The following LY75 variants were observed in gnomAD, a reference collection of about 807,000 sequenced individuals.
The protein encoded by LY75 is C-type lectin domain family 13 member B.
LY75 carries 185 observed loss-of-function variants against 231.7 expected under a neutral mutation model. That is an observed-to-expected ratio of 0.80 (90% CI 0.71 to 0.90). The LOEUF (loss-of-function observed/expected upper bound fraction) is 0.90. Among genes scored for constraint, LY75 ranks in the 40% least tolerant of loss-of-function variants. The pLI is 0.00. For synonymous variants in LY75, 668 were observed against 689.0 expected (o/e 0.97, Z 0.48); for missense variants, 1,947 against 2,050.2 (o/e 0.95, Z 0.97).
At chr2:159,894,791 T>C (rs1050432223) in intron 2 of LY75, among the ~76,000 whole-genome samples, 14 of 152,212 alleles carry the variant, frequency 9.2e-5, no homozygotes, top group African/African-American at 3.4e-4. Flanking sequence ...AGCTTTTACT[T>C]CAATCATTTT....
chr2:159,843,070 G>A (rs1002731758), intron 23 of LY75, among the ~76,000 whole-genome samples: 1 of 151,920 alleles, frequency 6.6e-6, no homozygotes, highest in Non-Finnish European at 1.5e-5. Flanking sequence ...TTTATGTGGA[G>A]CCAAATGTGT....
intron 11 of LY75, 102 bp from the exon 12 acceptor site, chr2:159,875,745 TAA>T (rs901066203): frequency 4.8e-6 from 6 of 1,257,472 alleles, no homozygotes; most frequent in African/African-American, 3.1e-5. Context: ...GGAGAGAGAA[TAA>T]AAAAAAAATG....
chr2:159,848,960 A>G (rs1684299055), intron 23 of LY75, among the ~76,000 whole-genome samples: 1 of 152,176 alleles, frequency 6.6e-6, no homozygotes, highest in South Asian at 2.1e-4. Flanking sequence ...AATTAATATT[A>G]TATCTATATC....
At chr2:159,868,796 G>A (rs757124345) in intron 13 of LY75, among the ~76,000 whole-genome samples, 15 of 152,190 alleles carry the variant, frequency 9.9e-5, no homozygotes, top group Non-Finnish European at 1.9e-4. Context: ...TAGAGCTTAT[G>A]TCAGCATTTT....
rs1685649596 is a variant in LY75 at position 159,888,207 on chromosome 2, A to G, written c.803-1677T>C. ...TGATAAAAAGAGATAAAGATATCTA[A>G]GAGGGGTACGTAGTATAACAAAAAA... On this transcript the variant is annotated intron_variant, in intron 4 of 34. Transcript: ENST00000263636. 1.3e-5 allele frequency among the ~76,000 whole-genome samples: 2 copies of G among 152,188 alleles called. 1 individual carries two copies. Among genetic ancestry groups the G allele is most frequent in the Non-Finnish European group, 2.9e-5 (2 of 68,020 alleles).
Position 159,834,103 on chromosome 2 carries a change from GTTA to G in LY75, c.3779_3781del (p.Ile1260del), listed in dbSNP as rs752333792. On this transcript the variant is annotated inframe_deletion, in exon 27 of 35. Transcript: ENST00000263636. Reference sequence around the variant, plus strand: ...TGTTGTTGCCATATGCCTATTCTTTGTTATTATGAAATTGTAGCAACAGTTCTG... The same window carrying G: ...TGTTGTTGCCATATGCCTATTCTTTGTTATGAAATTGTAGCAACAGTTCTG... The G allele has an allele frequency of 1.4e-5, 22 of 1,613,938 alleles. No individual in the cohort carries two copies. The African/African-American group carries it at 2.9e-4, about 22-fold the overall frequency.
In LY75 at chr2:159,805,105, G is replaced by A. The variant is rs767465055; in HGVS notation, c.5108C>T (p.Ser1703Leu). The change falls in exon 35 of 35, where the codon TCA (serine) becomes TTA (leucine). Residue 1703 changes from serine to leucine, a missense_variant. Coordinates refer to ENST00000263636, the MANE Select transcript of LY75 (RefSeq NM_002349.4). ...ATTCACTCCTTGTGCATATCGAACT[G>A]ATGAGAAACCCGCCAGGTGCAAACG... ...RHRLHLAGFS[S>L]VRYAQGVNED... 5.0e-6 allele frequency: 8 copies of A among 1,614,156 alleles called. No homozygotes were observed. In the South Asian group the frequency reaches 7.7e-5, roughly 16 times the overall value.
chr2:159,848,183 T>C (rs987924544), intron 23 of LY75, among the ~76,000 whole-genome samples: 1 of 151,152 alleles, frequency 6.6e-6, no homozygotes, highest in African/African-American at 2.4e-5. Context: ...TATATATATG[T>C]ATGTATGTAT....
rs948377525 is a variant in LY75, at chr2:159,819,639, T to G, written c.4153+87A>C. On this transcript the variant is annotated intron_variant, in intron 29 of 34. Coordinates refer to ENST00000263636, the MANE Select transcript of LY75 (RefSeq NM_002349.4). The stretch of plus-strand genomic sequence containing the variant: ...ACAGGACTGAATACAGAGGAAGCAT[T>G]TGATTGTATGATTCCCACTGGTGGA... 4.1e-6 allele frequency: 6 copies of G among 1,447,264 alleles called. No homozygotes were observed. The Admixed American group carries it at 1.3e-4, about 32-fold the overall frequency. The allele number at this position is 1,447,264 out of a possible 1,614,324, so 89.7% of individuals were successfully genotyped here.
rs536073106 is a variant in LY75, at chr2:159,854,716, C to T, written c.2420-181G>A. Among the ~76,000 whole-genome samples the T allele has an allele frequency of 6.6e-5, 10 of 152,304 alleles. No homozygotes were observed. The East Asian group carries it at 1.5e-3, about 23-fold the overall frequency. ...AGCCAGTGACTCTGCCACTCCCCTA[C>T]ACTCACAGGGAAGGAAAAAGTCACC... On this transcript the variant is annotated intron_variant, in intron 17 of 34. Transcript: ENST00000263636.
chr2:159,857,868 T>C (rs1437143624), intron 16 of LY75, among the ~76,000 whole-genome samples: 1 of 152,206 alleles, frequency 6.6e-6, no homozygotes, highest in African/African-American at 2.4e-5. Context: ...TATCAAAGGC[T>C]ATACTATCAA....
At chr2:159,889,351 C>A (rs1685684142) in intron 4 of LY75, among the ~76,000 whole-genome samples, 1 of 152,126 alleles carries the variant, frequency 6.6e-6, no homozygotes, top group Non-Finnish European at 1.5e-5. Flanking sequence ...ACCTCAGTCT[C>A]CAGAGCAGCT....
chr2:159,888,497 T>C (rs1445177378), intron 4 of LY75, among the ~76,000 whole-genome samples: 3 of 152,206 alleles, frequency 2.0e-5, no homozygotes, highest in Non-Finnish European at 4.4e-5. Context: ...TTTCCTTATC[T>C]AGTGATAAAA....
chr2:159,836,862 C>A (rs895209987), intron 25 of LY75, among the ~76,000 whole-genome samples: 1 of 152,224 alleles, frequency 6.6e-6, no homozygotes, highest in Non-Finnish European at 1.5e-5. Context: ...GCACTCCCCA[C>A]CTAACCCTGT....
intron 13 of LY75, 85 bp downstream of exon 13, chr2:159,872,366 A>T: frequency 6.6e-7 from 1 of 1,516,686 alleles, no homozygotes; most frequent in Non-Finnish European, 8.8e-7. Flanking sequence ...TTTTTCCAAC[A>T]GAGAGTGAGG....
At chr2:159,828,537 T>C (rs986399461) in intron 28 of LY75, among the ~76,000 whole-genome samples, 1 of 152,160 alleles carries the variant, frequency 6.6e-6, no homozygotes, top group Non-Finnish European at 1.5e-5. Context: ...TACTCTCATA[T>C]ACCGGGAATG....
rs1165526551 is a variant in LY75, at chr2:159,864,914, C to A, written c.2124G>T (p.Gln708His). The change falls in exon 14 of 35, where the codon CAG (glutamine) becomes CAT (histidine). Residue 708 changes from glutamine (Q) to histidine (H), a missense_variant. Gln to His is a conservative substitution (Grantham distance 24). Coordinates refer to ENST00000263636, the MANE Select transcript of LY75 (RefSeq NM_002349.4). Reference sequence around the variant, plus strand: ...TATTCAAACCAATCCACAGCCAATGCTGGCCACTATGTAAAAAGCAAGTGT... The same window carrying A: ...TATTCAAACCAATCCACAGCCAATGATGGCCACTATGTAAAAAGCAAGTGT... ...LHFLTDQFSG[Q>H]HWLWIGLNKR... The A allele has an allele frequency of 6.3e-7, 1 of 1,598,812 alleles. No homozygotes were observed. The highest frequency in any genetic ancestry group is 8.5e-7 in the Non-Finnish European group (1 of 1,173,676).
chr2:159,886,456 C>G lies in LY75; in HGVS notation c.877G>C (p.Asp293His), dbSNP rs1685588322. ...TTGAGAAAGTTTAATGGTTTGTGGT[C>G]TGACCATTCCCAGCCTCTAGCAGAG... The part of the protein sequence containing the change: ...LYSARGWEWS[D>H]HKPLNFLNWD... Residue 293 changes from aspartate (D) to histidine (H), a missense_variant, in exon 5 of 35, where the codon GAC becomes CAC. By Grantham distance (81) the Asp-to-His change is moderately conservative (BLOSUM62 -1). Transcript: ENST00000263636. 2.5e-6 allele frequency: 4 copies of G among 1,610,848 alleles called. No homozygotes were observed. The highest frequency in any genetic ancestry group is 2.2e-5 in the East Asian group (1 of 44,788).
At chr2:159,848,166 G>GTA (rs36065614) in intron 23 of LY75, among the ~76,000 whole-genome samples, 36,711 of 139,498 alleles carry the variant, frequency 0.26, 5,923 homozygotes, top group African/African-American at 0.48. Context: ...GTGTGTGTGT[G>GTA]TATATGTATA....
Sources: gnomAD v4.1 joint callset for allele counts (sites outside exome capture counted in the v4.1 genomes callset) on GRCh38, gnomAD v4.1.1 for gene constraint, MANE v1.5 for transcripts, NCBI Gene and HGNC (gene_info 2026-07-23, HGNC 2026-07-21) for gene names.